The following DNAH9 variants were observed in gnomAD, a reference collection of about 807,000 sequenced individuals.
DNAH9 encodes dynein axonemal heavy chain 9, also known as DNAH9 variant protein.
Under a neutral mutation model 471.6 loss-of-function variants are expected in DNAH9, and 345 were observed. That is an observed-to-expected ratio of 0.73 (90% confidence interval 0.67 to 0.80). The LOEUF is 0.80. Ranked by LOEUF, DNAH9 falls within the 30% of genes least tolerant of loss-of-function variation. The probability of loss-of-function intolerance (pLI) is 0.00; values close to 1 mark genes in which losing one functional copy is unlikely to be tolerated. For missense variants in DNAH9, 5,407 were observed against 5,609.2 expected (o/e 0.96, Z 1.15); for synonymous variants, 2,093 against 2,123.6 (o/e 0.99, Z 0.40).
Position 11,854,111 on chromosome 17 carries a change from C to T in DNAH9, c.9616C>T (p.Arg3206Trp), listed in dbSNP as rs367619575. 117 of 1,613,958 alleles carry T rather than the reference C, an allele frequency of 7.2e-5. No individual in the cohort carries two copies. The highest frequency in any genetic ancestry group is 7.1e-4 in the East Asian group (32 of 44,896). ...MAPRGRVPKD[R>W]SWKAAKVTMA... The stretch of plus-strand genomic sequence containing the variant: ...TCCCAGGGGTAGGGTGCCCAAGGAC[C>T]GGAGCTGGAAGGCTGCTAAGGTCAC... The change falls in exon 50 of 69, where the codon CGG becomes TGG. Residue 3206 changes from arginine to tryptophan, a missense_variant. By Grantham distance (101) the Arg-to-Trp change is moderately radical (BLOSUM62 -3). This residue lies in a region of DNAH9 where 4,636 missense variants were observed against 4,900.3 expected (regional missense o/e 0.95). Coordinates refer to ENST00000262442, the MANE Select transcript of DNAH9 (RefSeq NM_001372.4).
intron 9 of DNAH9, among the ~76,000 whole-genome samples, chr17:11,638,892 C>T (rs114464491): frequency 0.024 from 3,632 of 152,302 alleles, 145 homozygotes; most frequent in African/African-American, 0.082. Flanking sequence ...TTCCTGTTGG[C>T]TGTCAGCCAA....
intron 64 of DNAH9, among the ~76,000 whole-genome samples, chr17:11,933,525 C>T (rs1423766979): frequency 2.0e-5 from 3 of 152,018 alleles, no homozygotes; most frequent in Non-Finnish European, 4.4e-5. Flanking sequence ...GGATTACAGG[C>T]ATGCACCACC....
intron 36 of DNAH9, among the ~76,000 whole-genome samples, chr17:11,768,016 C>T (rs1234142563): frequency 2.6e-5 from 4 of 152,164 alleles, no homozygotes; most frequent in Admixed American, 6.5e-5. Context: ...CTCACTGCAG[C>T]GCTCTGTGCC....
intron 45 of DNAH9, among the ~76,000 whole-genome samples, chr17:11,813,962 A>G (rs1970007696): frequency 6.6e-6 from 1 of 152,240 alleles, no homozygotes; most frequent in Non-Finnish European, 1.5e-5. Flanking sequence ...GTAAGAGCAG[A>G]TGAACCACAT....
intron 43 of DNAH9, among the ~76,000 whole-genome samples, chr17:11,803,274 A>C (rs1969536109): frequency 6.6e-6 from 1 of 152,228 alleles, no homozygotes; most frequent in East Asian, 1.9e-4. Flanking sequence ...TCACTCCCAC[A>C]TATATTTTCT....
At chr17:11,897,592 T>C (rs1404542819) in intron 59 of DNAH9, among the ~76,000 whole-genome samples, 1 of 152,172 alleles carries the variant, frequency 6.6e-6, no homozygotes, top group Non-Finnish European at 1.5e-5. Flanking sequence ...ATGAACCCCT[T>C]TGCAGAACTG....
chr17:11,772,764 G>A (rs1011462367), intron 38 of DNAH9, among the ~76,000 whole-genome samples: 1 of 152,182 alleles, frequency 6.6e-6, no homozygotes, highest in Non-Finnish European at 1.5e-5. Context: ...ACTAAGGGAT[G>A]GAGAAAGCTA....
At position 11,932,881 on chromosome 17, in the gene DNAH9, C is replaced by T. The variant is rs897296710; in HGVS notation, c.12297+676C>T. 4.6e-5 allele frequency among the ~76,000 whole-genome samples: 7 copies of T among 152,174 alleles called. No individual in the cohort carries two copies. Among genetic ancestry groups the T allele is most frequent in the African/African-American group, 1.2e-4 (5 of 41,442 alleles). On this transcript the variant is annotated intron_variant, in intron 64 of 68. Transcript: ENST00000262442. This position sits in a 1 kb window ranked among gnomAD's most constrained non-coding sequence, Gnocchi z 4.3. ...TCGCCTGATATAAGTTCCCAAACTT[C>T]GCTAACAATCAGTGCTCTTCCAGTT...
rs111963634 is a variant in DNAH9 at position 11,762,758 on chromosome 17, G to GTTTTTTTTTTTTTTTTTT, written c.6996-671_6996-670insTTTTTTTTTTTTTTTTTT. On this transcript the variant is annotated intron_variant, in intron 35 of 68. Transcript: ENST00000262442. Reference sequence around the variant, plus strand: ...GCACCAAAATTGCCTCTTTAGGTGCGTTTTTTTTTTTGTTTTTTTTTTTTT... The same window carrying GTTTTTTTTTTTTTTTTTT: ...GCACCAAAATTGCCTCTTTAGGTGCGTTTTTTTTTTTTTTTTTTTTTTTTTTTTTGTTTTTTTTTTTTT... 5.2e-4 allele frequency among the ~76,000 whole-genome samples: 49 copies of GTTTTTTTTTTTTTTTTTT among 94,744 alleles called. 1 individual carries two copies. The highest frequency in any genetic ancestry group is 9.6e-4 in the Admixed American group (7 of 7,288). 62.2% of individuals were successfully genotyped at this position (94,744 alleles called of 152,430 possible).
At chr17:11,648,815 G>A (rs997638385) in intron 12 of DNAH9, among the ~76,000 whole-genome samples, 1 of 152,098 alleles carries the variant, frequency 6.6e-6, no homozygotes, top group Non-Finnish European at 1.5e-5. Context: ...AAGCAATGTG[G>A]CCAAAGCTGG....
intron 38 of DNAH9, among the ~76,000 whole-genome samples, chr17:11,780,340 A>C (rs1968621562): frequency 6.6e-6 from 1 of 152,226 alleles, no homozygotes; most frequent in African/African-American, 2.4e-5. Flanking sequence ...AAATCCCACG[A>C]GATGAACTCT....
chr17:11,942,485 G>A lies in DNAH9; in HGVS notation c.12843G>A (p.Lys4281=). 6.2e-7 allele frequency: 1 copy of A among 1,613,208 alleles called. No homozygotes were observed. ...TGAGGGAGCTGGAGCTCGGCTTAAA[G>A]GTGAGCGCGGTCTTGTAAGGCATGG... ...RSLRELELGL[K]GELTMTSHME... is the part of the protein sequence containing the mutation. The change falls in exon 67 of 69, where the codon AAG becomes AAA. Residue 4281 remains lysine (K), a splice_region_variant and synonymous_variant. Transcript: ENST00000262442.
chr17:11,896,497 G>T (rs770498339), intron 59 of DNAH9, among the ~76,000 whole-genome samples: 220 of 152,292 alleles, frequency 1.4e-3, no homozygotes, highest in Non-Finnish European at 2.9e-3. Flanking sequence ...GTTGTAATTT[G>T]ATTTTTATTT....
chr17:11,807,920 G>A, intron 44 of DNAH9, 26 bp downstream of exon 44: 3 of 1,583,164 alleles, frequency 1.9e-6, no homozygotes, highest in Non-Finnish European at 2.6e-6. Flanking sequence ...GCTGCAGGGA[G>A]GAGGCTCAGC....
chr17:11,732,646 CA>C (rs34511036), intron 28 of DNAH9, among the ~76,000 whole-genome samples: 1 of 151,376 alleles, frequency 6.6e-6, no homozygotes, highest in African/African-American at 2.4e-5. Context: ...GTGTCAATTC[CA>C]AAAAAAAATT....
In DNAH9 at chr17:11,623,737, A is replaced by G. The variant is rs956284424; in HGVS notation, c.1350+3956A>G. On this transcript the variant is annotated intron_variant, in intron 6 of 68. Transcript: ENST00000262442. The surrounding 1 kb of genome is among the most constrained non-coding windows in gnomAD (Gnocchi z 4.1). ...TTCATCTTCTATTCTAATACAATCT[A>G]TGGCCACTGAGATGATGGTAGCTGC... is the stretch of plus-strand genomic sequence containing the variant. Among the ~76,000 whole-genome samples the G allele has an allele frequency of 3.3e-5, 5 of 152,162 alleles. No homozygotes were observed. Among genetic ancestry groups the G allele is most frequent in the African/African-American group, 9.7e-5 (4 of 41,448 alleles).
At chr17:11,874,830 C>T (rs1972413036) in intron 52 of DNAH9, 119 bp from the exon 53 acceptor site, 8 of 734,692 alleles carry the variant, frequency 1.1e-5, no homozygotes, top group Non-Finnish European at 1.9e-5. Flanking sequence ...AGGCATTCTT[C>T]AGTGGGATGT....
intron 67 of DNAH9, among the ~76,000 whole-genome samples, chr17:11,953,267 G>C (rs1186167089): frequency 6.6e-6 from 1 of 152,052 alleles, no homozygotes; most frequent in Non-Finnish European, 1.5e-5. Flanking sequence ...CTTACCGTTG[G>C]AGCATGCTGT....
At chr17:11,788,453 A>C (rs540057139) in intron 41 of DNAH9, among the ~76,000 whole-genome samples, 1 of 152,342 alleles carries the variant, frequency 6.6e-6, no homozygotes, top group South Asian at 2.1e-4. Flanking sequence ...TCAGATCAAG[A>C]AAGAAAACAT....
Sources: gnomAD v4.1 joint callset for allele counts (sites outside exome capture counted in the v4.1 genomes callset) on GRCh38, gnomAD v4.1.1 for gene constraint, gnomAD v4.1.1 regional missense constraint, Gnocchi (gnomAD v3.1) non-coding constraint, MANE v1.5 for transcripts, NCBI Gene and HGNC (gene_info 2026-07-23, HGNC 2026-07-21) for gene names.